CHRNA5: variants seen among roughly 807,000 people sequenced by gnomAD.
The protein encoded by CHRNA5 is neuronal acetylcholine receptor subunit alpha-5.
In CHRNA5, 28 loss-of-function variants were observed where a neutral mutation model predicts 41.2. The observed-to-expected ratio is 0.68, with a 90% CI of 0.50 to 0.93. The LOEUF is 0.93. Ranked by LOEUF, CHRNA5 falls within the 40% of genes least tolerant of loss-of-function variation. The pLI, the probability that CHRNA5 is intolerant of heterozygous loss-of-function variation, is 0.00. For synonymous variants in CHRNA5, 188 were observed against 205.8 expected (o/e 0.91, Z 0.74); for missense variants, 481 against 581.9 (o/e 0.83, Z 1.78).
chr15:78,590,658 A>G (rs201117838), intron 5 of CHRNA5, 22 bp downstream of exon 5: 58 of 1,557,308 alleles, frequency 3.7e-5, no homozygotes, highest in Non-Finnish European at 4.6e-5. Context: ...GTATTTACAA[A>G]TGCAGATCTT....
chr15:78,572,215 C>T (rs1269466449), intron 1 of CHRNA5, among the ~76,000 whole-genome samples: 1 of 152,080 alleles, frequency 6.6e-6, no homozygotes, highest in Non-Finnish European at 1.5e-5. Context: ...AATGTGCGCC[C>T]CCTTGACTCA....
chr15:78,581,988 A>G (rs1387056761), intron 2 of CHRNA5, among the ~76,000 whole-genome samples: 1 of 152,220 alleles, frequency 6.6e-6, no homozygotes, highest in Non-Finnish European at 1.5e-5. Context: ...ATTAACAATG[A>G]TGAATATATT....
chr15:78,588,216 C>T lies in CHRNA5; in HGVS notation c.304-98C>T. Reference sequence around the variant, plus strand: ...GTTCTCTATTGGGGGTAGAGATGATCTCATGTCTAAAATTTCTGGTGTGAC... The same window carrying T: ...GTTCTCTATTGGGGGTAGAGATGATTTCATGTCTAAAATTTCTGGTGTGAC... On this transcript the variant is annotated intron_variant, in intron 3 of 5. Transcript: ENST00000299565. The surrounding 1 kb of genome is among the most constrained non-coding windows in gnomAD (Gnocchi z 4.1). 3.3e-6 allele frequency: 2 copies of T among 601,554 alleles called. No homozygotes were observed. The highest frequency in any genetic ancestry group is 5.9e-6 in the Non-Finnish European group (2 of 339,436). 37.3% of individuals were successfully genotyped at this position (601,554 alleles called of 1,614,324 possible).
chr15:78,565,676 C>T, exon 1 of CHRNA5: 2 of 746,642 alleles, frequency 2.7e-6, no homozygotes, highest in Non-Finnish European at 3.5e-6. Flanking sequence ...CCCCGCGCGG[C>T]GGTCGAGAGG....
chr15:78,579,729 C>T (rs1440732466), intron 1 of CHRNA5, among the ~76,000 whole-genome samples: 2 of 152,124 alleles, frequency 1.3e-5, no homozygotes, highest in East Asian at 3.9e-4. Context: ...ATTGACCTCA[C>T]TGTTGCTAAT....
chr15:78,572,797 A>G (rs1056484909), intron 1 of CHRNA5, among the ~76,000 whole-genome samples: 4 of 152,110 alleles, frequency 2.6e-5, no homozygotes, highest in African/African-American at 9.7e-5. Flanking sequence ...ATAGTATTGA[A>G]TGAAAAAAAG....
chr15:78,594,517 G>C (rs1475521059), exon 6 of CHRNA5: 4 of 152,068 alleles, frequency 2.6e-5, no homozygotes, highest in Non-Finnish European at 4.4e-5. Flanking sequence ...TCTCTACTAA[G>C]AATACAAAAA....
rs148675513 is a variant in CHRNA5 at position 78,573,422 on chromosome 15, A to G, written c.107-7389A>G. ...ATATAATAAGGTAAATAAATATGCA[A>G]GTTTTTACCCCAGGAAGACAGGCAC... On this transcript the variant is annotated intron_variant, in intron 1 of 5. Coordinates refer to ENST00000299565, the Ensembl canonical transcript of CHRNA5. Among the ~76,000 whole-genome samples, 479 of 152,336 alleles carry G rather than the reference A, an allele frequency of 3.1e-3. 4 individuals carry two copies. Among genetic ancestry groups the G allele is most frequent in the African/African-American group, 0.011 (438 of 41,576 alleles).
chr15:78,587,029 A>C (rs1308166069), intron 3 of CHRNA5, among the ~76,000 whole-genome samples: 1 of 152,244 alleles, frequency 6.6e-6, no homozygotes, highest in East Asian at 1.9e-4. Flanking sequence ...GAAGAGGTTT[A>C]ATGGATTCAC....
intron 1 of CHRNA5, among the ~76,000 whole-genome samples, chr15:78,571,707 A>G (rs1376527300): frequency 6.6e-6 from 1 of 151,882 alleles, no homozygotes; most frequent in Non-Finnish European, 1.5e-5. Flanking sequence ...TCAGGGTAAG[A>G]TATTAAGTTT....
chr15:78,583,783 T>G (rs2052934592), intron 2 of CHRNA5, among the ~76,000 whole-genome samples: 2 of 152,132 alleles, frequency 1.3e-5, no homozygotes, highest in South Asian at 4.1e-4. Flanking sequence ...AGGTGTTAAT[T>G]CCAAAGAAAA....
chr15:78,589,489 G>A, intron 4 of CHRNA5: 4 of 225,186 alleles, frequency 1.8e-5, no homozygotes, highest in Non-Finnish European at 3.4e-5. Flanking sequence ...CGTGCCCATT[G>A]TGTCAATAGC....
chr15:78,584,046 G>T (rs1392623460), intron 2 of CHRNA5, among the ~76,000 whole-genome samples: 1 of 152,140 alleles, frequency 6.6e-6, no homozygotes, highest in Admixed American at 6.5e-5. Context: ...AGAGAAGTTG[G>T]GGAAGGGTTG....
intron 5 of CHRNA5, among the ~76,000 whole-genome samples, chr15:78,592,314 T>C (rs1182566530): frequency 6.6e-6 from 1 of 152,138 alleles, no homozygotes; most frequent in Non-Finnish European, 1.5e-5. Context: ...GGAGCAAGGC[T>C]CTGTCTCAAA....
At chr15:78,573,073 A>G (rs2052821179) in intron 1 of CHRNA5, among the ~76,000 whole-genome samples, 1 of 152,210 alleles carries the variant, frequency 6.6e-6, no homozygotes, top group Non-Finnish European at 1.5e-5. Context: ...CTAGTGTCAC[A>G]ACAGTGGTTT....
chr15:78,587,566 C>T (rs956637932), intron 3 of CHRNA5, among the ~76,000 whole-genome samples: 1 of 151,856 alleles, frequency 6.6e-6, no homozygotes, highest in African/African-American at 2.4e-5. Flanking sequence ...TAGGAGATGG[C>T]ATCAGATAAG....
At chr15:78,576,633 T>C (rs1342188864) in intron 1 of CHRNA5, among the ~76,000 whole-genome samples, 1 of 145,982 alleles carries the variant, frequency 6.9e-6, no homozygotes, top group Non-Finnish European at 1.5e-5. Flanking sequence ...AATAAATAAA[T>C]TAGCTGGGTG....
At chr15:78,574,831 G>A (rs959728181) in intron 1 of CHRNA5, among the ~76,000 whole-genome samples, 1 of 151,944 alleles carries the variant, frequency 6.6e-6, no homozygotes, top group African/African-American at 2.4e-5. Context: ...AAATTAGCTG[G>A]GCATGGTGGC....
At chr15:78,579,117 T>C (rs2052885879) in intron 1 of CHRNA5, among the ~76,000 whole-genome samples, 1 of 152,132 alleles carries the variant, frequency 6.6e-6, no homozygotes, top group African/African-American at 2.4e-5. Flanking sequence ...GTATATTTAA[T>C]GGCACATGTT....
Sources: allele counts gnomAD v4.1 joint callset (sites outside exome capture counted in the v4.1 genomes callset), GRCh38; gene constraint gnomAD v4.1.1; non-coding constraint Gnocchi (gnomAD v3.1); transcripts MANE v1.5; gene names NCBI Gene and HGNC (gene_info 2026-07-23, HGNC 2026-07-21).